The following EPHA3 variants were observed in gnomAD, a reference collection of about 807,000 sequenced individuals.
EPHA3 encodes EPH receptor A3.
EPHA3 carries 42 observed loss-of-function variants against 107.1 expected under a neutral mutation model. That is an observed-to-expected ratio of 0.39 (90% CI 0.31 to 0.51). The LOEUF (loss-of-function observed/expected upper bound fraction) is 0.51, where lower values mean the gene tolerates loss of function less well. Among genes scored for constraint, EPHA3 ranks in the 20% least tolerant of loss-of-function variants. The pLI is 0.78. For synonymous variants in EPHA3, 461 were observed against 424.8 expected, an observed-to-expected ratio of 1.09 and a Z score of -1.05; for missense variants, 1,183 against 1,211.2, an observed-to-expected ratio of 0.98 and a Z score of 0.35.
At chr3:89,282,374 T>G (rs1257393307) in intron 3 of EPHA3, among the ~76,000 whole-genome samples, 1 of 152,120 alleles carries the variant, frequency 6.6e-6, no homozygotes, top group East Asian at 1.9e-4. Flanking sequence ...TTCTCCAATA[T>G]AGAATTTATC....
intron 3 of EPHA3, among the ~76,000 whole-genome samples, chr3:89,264,663 A>T (rs144593132): frequency 5.3e-5 from 8 of 152,306 alleles, no homozygotes; most frequent in African/African-American, 1.7e-4. Flanking sequence ...AAAGGAGAAC[A>T]GGAGAAGCAT....
intron 4 of EPHA3, 112 bp downstream of exon 4, chr3:89,341,183 G>T: frequency 3.4e-6 from 4 of 1,168,438 alleles, no homozygotes; most frequent in Non-Finnish European, 3.6e-6. Context: ...TGTTGCCCGT[G>T]TGCAAATTGA....
intron 5 of EPHA3, among the ~76,000 whole-genome samples, chr3:89,361,130 T>G (rs2107458042): frequency 6.6e-6 from 1 of 151,150 alleles, no homozygotes; most frequent in Non-Finnish European, 1.5e-5. Context: ...ACATATGGTT[T>G]TTCAACTCAA....
chr3:89,123,539 C>CTAAAAGTCTG (rs1429341626), intron 1 of EPHA3, among the ~76,000 whole-genome samples: 1 of 152,120 alleles, frequency 6.6e-6, no homozygotes, highest in East Asian at 1.9e-4. Flanking sequence ...ACTTAGTGCC[C>CTAAAAGTCTG]ATCTGAAAGT....
intron 3 of EPHA3, among the ~76,000 whole-genome samples, chr3:89,258,731 C>G (rs1351793248): frequency 6.6e-6 from 1 of 152,130 alleles, no homozygotes; most frequent in African/African-American, 2.4e-5. Context: ...CTTATTTGCT[C>G]AAAATCTTCC....
chr3:89,230,868 A>C (rs556191670), intron 3 of EPHA3, among the ~76,000 whole-genome samples: 8 of 147,738 alleles, frequency 5.4e-5, no homozygotes, highest in Non-Finnish European at 1.0e-4. Context: ...CTTTGCTTTT[A>C]TCTGCTCCCC....
chr3:89,426,113 T>C (rs1709450952), intron 11 of EPHA3, among the ~76,000 whole-genome samples: 1 of 151,800 alleles, frequency 6.6e-6, no homozygotes, highest in East Asian at 1.9e-4. Flanking sequence ...CCCAGATGTG[T>C]TTTGGGGTTT....
At chr3:89,454,289 A>G (rs1322492922) in intron 15 of EPHA3, among the ~76,000 whole-genome samples, 1 of 152,126 alleles carries the variant, frequency 6.6e-6, no homozygotes, top group African/African-American at 2.4e-5. Flanking sequence ...CACAGACATA[A>G]AGTCAATATT....
intron 5 of EPHA3, among the ~76,000 whole-genome samples, chr3:89,376,157 A>G (rs1037186996): frequency 1.3e-5 from 2 of 151,948 alleles, no homozygotes; most frequent in African/African-American, 4.8e-5. Flanking sequence ...AGACCCTAGA[A>G]CCATAATAAG....
At chr3:89,177,011 C>T (rs1705333843) in intron 2 of EPHA3, among the ~76,000 whole-genome samples, 1 of 151,896 alleles carries the variant, frequency 6.6e-6, no homozygotes, top group Admixed American at 6.6e-5. Context: ...TTTTCTTAGA[C>T]ATTGACTAAT....
chr3:89,377,328 T>C (rs1708421605), intron 5 of EPHA3, among the ~76,000 whole-genome samples: 1 of 152,118 alleles, frequency 6.6e-6, no homozygotes, highest in African/African-American at 2.4e-5. Context: ...TATGTACCCA[T>C]TTGCAAACTT....
intron 3 of EPHA3, among the ~76,000 whole-genome samples, chr3:89,231,252 T>A (rs756106769): frequency 6.6e-6 from 1 of 152,160 alleles, no homozygotes; most frequent in Non-Finnish European, 1.5e-5. Flanking sequence ...TACAAAACAT[T>A]AATGACCCTA....
intron 13 of EPHA3, among the ~76,000 whole-genome samples, chr3:89,435,412 C>T (rs577975638): frequency 4.7e-5 from 7 of 147,740 alleles, no homozygotes; most frequent in African/African-American, 1.5e-4. Context: ...CCAGCCTGGG[C>T]AACATAGCAA....
intron 15 of EPHA3, among the ~76,000 whole-genome samples, chr3:89,472,071 T>G (rs1710413563): frequency 6.6e-6 from 1 of 152,176 alleles, no homozygotes; most frequent in South Asian, 2.1e-4. Context: ...ACTTAAAATA[T>G]TGAAACTGAA....
chr3:89,361,640 C>G (rs974306377), intron 5 of EPHA3, among the ~76,000 whole-genome samples: 1 of 151,142 alleles, frequency 6.6e-6, no homozygotes, highest in Non-Finnish European at 1.5e-5. Flanking sequence ...GTTGCTTTTA[C>G]TTAATGAAAT....
In EPHA3 at chr3:89,199,528, G is replaced by A. The variant is rs1705920827; in HGVS notation, c.154-10332G>A. ...TTATATTTTAGCATAACATATATCT[G>A]TTTCGAGTCAATGCTTCTGGCTAGA... On this transcript the variant is annotated intron_variant, in intron 2 of 16. Coordinates refer to ENST00000336596, the MANE Select transcript of EPHA3 (RefSeq NM_005233.6). Among the ~76,000 whole-genome samples the A allele has an allele frequency of 2.0e-5, 3 of 149,348 alleles. No individual in the cohort carries two copies. The Admixed American group carries it at 2.0e-4, about 10-fold the overall frequency.
chr3:89,354,725 A>G (rs1416730176), intron 5 of EPHA3, among the ~76,000 whole-genome samples: 1 of 150,996 alleles, frequency 6.6e-6, no homozygotes, highest in Non-Finnish European at 1.5e-5. Context: ...TTAGCACTGC[A>G]CTCCAGTCCT....
intron 5 of EPHA3, among the ~76,000 whole-genome samples, chr3:89,370,943 A>C (rs550312249): frequency 1.1e-5 from 1 of 92,300 alleles, no homozygotes; most frequent in African/African-American, 3.4e-5. Flanking sequence ...TTTTCTGTGC[A>C]CCTAGACAAA....
intron 2 of EPHA3, among the ~76,000 whole-genome samples, chr3:89,175,599 A>C (rs952844430): frequency 6.6e-6 from 1 of 152,140 alleles, no homozygotes; most frequent in African/African-American, 2.4e-5. Context: ...TTTCAGCCTT[A>C]TTGGCTTTAT....
Sources: allele counts gnomAD v4.1 joint callset (sites outside exome capture counted in the v4.1 genomes callset), GRCh38; gene constraint gnomAD v4.1.1; transcripts MANE v1.5; gene names NCBI Gene and HGNC (gene_info 2026-07-23, HGNC 2026-07-21).